The following ZNF536 variants were observed in gnomAD, a reference collection of about 807,000 sequenced individuals.
ZNF536 encodes the protein zinc finger protein 536.
Under a neutral mutation model 84.5 loss-of-function variants are expected in ZNF536, and 13 were observed. The ratio of observed to expected loss-of-function variants is 0.15; its 90% confidence interval spans 0.10 to 0.24. The LOEUF is 0.24. ZNF536 is among the 10% of genes least tolerant of loss of function. The pLI, the probability that ZNF536 is intolerant of heterozygous loss-of-function variation, is 1.00. For missense variants in ZNF536, 1,536 were observed against 1,747.5 expected (o/e 0.88, Z 2.16); for synonymous variants, 811 against 742.5 (o/e 1.09, Z -1.50).
chr19:30,677,568 C>A (rs993421841), intron 1 of ZNF536, among the ~76,000 whole-genome samples: 1 of 152,218 alleles, frequency 6.6e-6, no homozygotes, highest in Admixed American at 6.5e-5. Flanking sequence ...AGCAAAATGT[C>A]CCCCGGGGAC....
chr19:30,330,881 A>G (rs1233025172), intron 2 of ZNF536, among the ~76,000 whole-genome samples: 3 of 152,206 alleles, frequency 2.0e-5, no homozygotes, highest in East Asian at 1.9e-4. Flanking sequence ...TTCTCAAAAC[A>G]TAACTTCACT....
intron 2 of ZNF536, among the ~76,000 whole-genome samples, chr19:30,496,930 C>T (rs2054744543): frequency 1.3e-5 from 2 of 152,156 alleles, no homozygotes; most frequent in Admixed American, 1.3e-4. Context: ...GCACAGGTGA[C>T]AGTGTCCTGC....
intron 2 of ZNF536, among the ~76,000 whole-genome samples, chr19:30,312,186 G>C (rs924931466): frequency 6.6e-6 from 1 of 152,226 alleles, no homozygotes; most frequent in African/African-American, 2.4e-5. Context: ...TGCAGGTGGA[G>C]AGAGGCGGTG....
intron 2 of ZNF536, among the ~76,000 whole-genome samples, chr19:30,314,518 G>C (rs1294092215): frequency 1.3e-5 from 2 of 152,134 alleles, no homozygotes; most frequent in Admixed American, 1.3e-4. Flanking sequence ...ATAGAGAAAA[G>C]AGCCACACCG....
At chr19:30,470,781 G>A (rs2053601324) in intron 2 of ZNF536, among the ~76,000 whole-genome samples, 1 of 151,028 alleles carries the variant, frequency 6.6e-6, no homozygotes, top group Non-Finnish European at 1.5e-5. Flanking sequence ...CACCTCCCTG[G>A]TTCAAGCAAT....
intron 2 of ZNF536, among the ~76,000 whole-genome samples, chr19:30,460,261 A>G (rs1600830890): frequency 6.6e-6 from 1 of 152,184 alleles, no homozygotes; most frequent in East Asian, 1.9e-4. Context: ...AGAGAATGCC[A>G]GCTCATCCAT....
chr19:30,626,163 G>T (rs1203829902), intron 1 of ZNF536, among the ~76,000 whole-genome samples: 5 of 152,212 alleles, frequency 3.3e-5, no homozygotes, highest in Non-Finnish European at 7.3e-5. Context: ...AGAGCACGGG[G>T]ATGATAAATA....
At chr19:30,240,677 G>A (rs1047980745) in intron 1 of ZNF536, among the ~76,000 whole-genome samples, 7 of 152,228 alleles carry the variant, frequency 4.6e-5, no homozygotes, top group African/African-American at 1.7e-4. Flanking sequence ...CAGGCTCTGA[G>A]AGGGAAGCAT....
intron 2 of ZNF536, among the ~76,000 whole-genome samples, chr19:30,510,854 T>G (rs997442648): frequency 1.3e-5 from 2 of 152,194 alleles, no homozygotes; most frequent in African/African-American, 4.8e-5. Context: ...CATCTTCTTG[T>G]CCCCGACCTG....
intron 1 of ZNF536, among the ~76,000 whole-genome samples, chr19:30,577,611 G>A (rs980632013): frequency 1.2e-4 from 19 of 152,158 alleles, no homozygotes; most frequent in African/African-American, 3.6e-4. Context: ...AGTTTTATTC[G>A]TGGTATTTTC....
chr19:30,370,754 A>T (rs370573617), upstream of ZNF536, among the ~76,000 whole-genome samples: 7 of 152,352 alleles, frequency 4.6e-5, no homozygotes, highest in African/African-American at 1.7e-4. Context: ...AGTGTAAAAA[A>T]ATGATTAATC....
intron 1 of ZNF536, among the ~76,000 whole-genome samples, chr19:30,424,699 A>G (rs1237248558): frequency 6.6e-6 from 1 of 152,150 alleles, no homozygotes; most frequent in African/African-American, 2.4e-5. Flanking sequence ...TTTCCGGAAG[A>G]CTCTGGAACA....
At chr19:30,682,559 A>T (rs1277712801) in intron 1 of ZNF536, among the ~76,000 whole-genome samples, 1 of 152,174 alleles carries the variant, frequency 6.6e-6, no homozygotes, top group Non-Finnish European at 1.5e-5. Flanking sequence ...CCCCACCTCC[A>T]TCCCCAGGGA....
intron 1 of ZNF536, among the ~76,000 whole-genome samples, chr19:30,394,808 GA>G (rs2049747481): frequency 6.6e-6 from 1 of 152,156 alleles, no homozygotes; most frequent in Admixed American, 6.5e-5. Context: ...GAGCTCAAGA[GA>G]AAAGTTGAGG....
intron 1 of ZNF536, among the ~76,000 whole-genome samples, chr19:30,678,249 G>T (rs2050829786): frequency 6.6e-6 from 1 of 152,212 alleles, no homozygotes; most frequent in Non-Finnish European, 1.5e-5. Flanking sequence ...GCCGCTGGCT[G>T]GGAGATGCTC....
intron 2 of ZNF536, among the ~76,000 whole-genome samples, chr19:30,498,599 T>A (rs1232902752): frequency 1.6e-4 from 21 of 129,776 alleles, no homozygotes; most frequent in African/African-American, 7.8e-4. Flanking sequence ...GAATTAAAAA[T>A]TAAAAATAAA....
intron 1 of ZNF536, among the ~76,000 whole-genome samples, chr19:30,570,003 A>G (rs1265408646): frequency 6.6e-6 from 1 of 152,088 alleles, no homozygotes; most frequent in Non-Finnish European, 1.5e-5. Flanking sequence ...TGGGGAGGGG[A>G]GTGCTTCTGG....
intron 2 of ZNF536, among the ~76,000 whole-genome samples, chr19:30,331,954 T>C (rs139309429): frequency 6.6e-6 from 1 of 152,322 alleles, no homozygotes; most frequent in Non-Finnish European, 1.5e-5. Context: ...GTTTTCTTTT[T>C]GTCTCATGCA....
intron 1 of ZNF536, among the ~76,000 whole-genome samples, chr19:30,262,608 T>C: frequency 6.6e-6 from 1 of 152,110 alleles, no homozygotes; most frequent in East Asian, 1.9e-4. Flanking sequence ...GGAGATGCAA[T>C]GTGGACTTGT....
Sources: allele counts gnomAD v4.1 joint callset (sites outside exome capture counted in the v4.1 genomes callset), GRCh38; gene constraint gnomAD v4.1.1; transcripts MANE v1.5; gene names NCBI Gene and HGNC (gene_info 2026-07-23, HGNC 2026-07-21).